NR5A2: variants seen among roughly 807,000 people sequenced by gnomAD.
NR5A2 encodes the protein CYP7A promoter-binding factor.
Under a neutral mutation model 62.7 loss-of-function variants are expected in NR5A2, and 26 were observed. The ratio of observed to expected loss-of-function variants is 0.41; its 90% CI spans 0.30 to 0.58. The LOEUF is 0.58. Among genes scored for constraint, NR5A2 ranks in the 20% least tolerant of loss-of-function variants. The probability of loss-of-function intolerance (pLI) is 0.22; values close to 1 mark genes in which losing one functional copy is unlikely to be tolerated. For synonymous variants in NR5A2, 246 were observed against 241.7 expected (o/e 1.02, Z -0.16); for missense variants, 541 against 669.1 (o/e 0.81, Z 2.11).
intron 7 of NR5A2, among the ~76,000 whole-genome samples, chr1:200,164,532 C>A (rs1444861653): frequency 6.6e-6 from 1 of 151,494 alleles, no homozygotes; most frequent in Non-Finnish European, 1.5e-5. Context: ...AACCACTTTT[C>A]CATAGATTTT....
At position 200,039,574 on chromosome 1, in the gene NR5A2, G is replaced by C; in HGVS notation, c.65-84G>C. The C allele has an allele frequency of 6.3e-7, 1 of 1,578,438 alleles. No individual in the cohort carries two copies. On this transcript the variant is annotated intron_variant, in intron 1 of 7. Coordinates refer to ENST00000367362, the MANE Select transcript of NR5A2 (RefSeq NM_205860.3). This position sits in a 1 kb window ranked among gnomAD's most constrained non-coding sequence, Gnocchi z 5.1. ...CGAGGAGGCGGAGGCACGCTCCGGC[G>C]AGGCGAGAGGGTTGGGTTAGCAGGC... is the stretch of plus-strand genomic sequence containing the variant.
intron 7 of NR5A2, among the ~76,000 whole-genome samples, chr1:200,135,106 C>T (rs1303213386): frequency 1.3e-5 from 2 of 152,220 alleles, no homozygotes; most frequent in African/African-American, 4.8e-5. Flanking sequence ...GCATGGCTAA[C>T]GTGCTCATGA....
chr1:200,091,670 A>C (rs1451223769), intron 5 of NR5A2, among the ~76,000 whole-genome samples: 1 of 151,932 alleles, frequency 6.6e-6, no homozygotes, highest in Admixed American at 6.6e-5. Context: ...TTTTTAATAG[A>C]GATCGGGTTT....
intron 2 of NR5A2, among the ~76,000 whole-genome samples, chr1:200,041,395 C>A (rs1348825691): frequency 6.6e-6 from 1 of 152,264 alleles, no homozygotes; most frequent in Non-Finnish European, 1.5e-5. Flanking sequence ...GCATGGGAAG[C>A]GCCGGGGCAA....
chr1:200,077,316 T>G (rs2737654), intron 5 of NR5A2, among the ~76,000 whole-genome samples: 75,110 of 152,106 alleles, frequency 0.49, 18,589 homozygotes, highest in African/African-American at 0.53. Flanking sequence ...AAGAGGTCCT[T>G]AATTAAGAAG....
chr1:200,042,939 G>C (rs1228645445), intron 2 of NR5A2: 1 of 985,352 alleles, frequency 1.0e-6, no homozygotes, highest in Non-Finnish European at 1.2e-6. Context: ...CCTGATTTCT[G>C]TTTAACTTTA....
intron 5 of NR5A2, among the ~76,000 whole-genome samples, chr1:200,073,009 A>G (rs1558121517): frequency 6.6e-6 from 1 of 152,068 alleles, no homozygotes; most frequent in Non-Finnish European, 1.5e-5. Context: ...GTGACACAAG[A>G]TGTGATGAAG....
At chr1:200,091,167 AT>A (rs911979527) in intron 5 of NR5A2, among the ~76,000 whole-genome samples, 10 of 152,066 alleles carry the variant, frequency 6.6e-5, no homozygotes, top group African/African-American at 2.4e-4. Context: ...TTAAATTATT[AT>A]TTGCTTTGTA....
intron 6 of NR5A2, among the ~76,000 whole-genome samples, chr1:200,116,794 A>G (rs1252629062): frequency 6.6e-6 from 1 of 152,236 alleles, no homozygotes; most frequent in Non-Finnish European, 1.5e-5. Context: ...TTCCTATCCA[A>G]TATTTTAAAA....
chr1:200,140,152 ATT>A (rs1186872116), intron 7 of NR5A2, among the ~76,000 whole-genome samples: 1 of 146,300 alleles, frequency 6.8e-6, no homozygotes, highest in East Asian at 3.4e-4. Context: ...AGATGTCAGT[ATT>A]TATTTCTTTA....
intron 5 of NR5A2, among the ~76,000 whole-genome samples, chr1:200,085,762 G>A (rs1396450010): frequency 6.6e-6 from 1 of 152,046 alleles, no homozygotes; most frequent in Non-Finnish European, 1.5e-5. Flanking sequence ...ATTTTTGTGG[G>A]GAATGTGTTC....
At chr1:200,140,356 C>A (rs1048266803) in intron 7 of NR5A2, among the ~76,000 whole-genome samples, 2 of 152,136 alleles carry the variant, frequency 1.3e-5, no homozygotes, top group African/African-American at 4.8e-5. Flanking sequence ...GGATCACAGG[C>A]GAGCACCACC....
chr1:200,073,232 A>G (rs1399466764), intron 5 of NR5A2, among the ~76,000 whole-genome samples: 1 of 83,198 alleles, frequency 1.2e-5, no homozygotes, highest in Non-Finnish European at 2.1e-5. Flanking sequence ...AAGCATTTAC[A>G]TACATATATA....
intron 1 of NR5A2, among the ~76,000 whole-genome samples, chr1:200,035,316 T>C (rs919194927): frequency 6.6e-6 from 1 of 152,204 alleles, no homozygotes; most frequent in South Asian, 2.1e-4. Context: ...TTGCAAGTTT[T>C]GTGCAAGTTT....
At chr1:200,073,268 TTATA>T (rs371537456) in intron 5 of NR5A2, among the ~76,000 whole-genome samples, 39,732 of 111,120 alleles carry the variant, frequency 0.36, 8,588 homozygotes, top group African/African-American at 0.51. Context: ...ATATTCCCCT[TTATA>T]TATATATATA....
intron 7 of NR5A2, among the ~76,000 whole-genome samples, chr1:200,127,690 AAAAAAAAAAAAAAAAAAAAAT>A (rs1666768487): frequency 1.3e-5 from 1 of 78,544 alleles, no homozygotes; most frequent in African/African-American, 4.6e-5. Flanking sequence ...AAAAAAAAAA[AAAAAAAAAAAAAAAAAAAAAT>A]ATATATATAT....
At chr1:200,122,379 A>G (rs1666517586) in intron 7 of NR5A2, among the ~76,000 whole-genome samples, 1 of 152,214 alleles carries the variant, frequency 6.6e-6, no homozygotes, top group South Asian at 2.1e-4. Flanking sequence ...TAATATATGT[A>G]TAAGAAACTG....
rs532817886 is a variant in NR5A2, at chr1:200,163,477, T to A, written c.1379-10486T>A. On this transcript the variant is annotated intron_variant, in intron 7 of 7. Transcript: ENST00000367362. The stretch of plus-strand genomic sequence containing the variant: ...ATTCTAGTGGGGGTGACGGGCAATT[T>A]TGTTTATTGTTTTTTTTTTTTTGAG... Among the ~76,000 whole-genome samples the A allele has an allele frequency of 2.7e-4, 41 of 150,878 alleles. No homozygotes were observed. The East Asian group carries it at 4.3e-3, about 16-fold the overall frequency.
intron 1 of NR5A2, among the ~76,000 whole-genome samples, chr1:200,036,609 G>T (rs750059871): frequency 2.4e-4 from 37 of 152,322 alleles, no homozygotes; most frequent in Non-Finnish European, 3.4e-4. Context: ...TCTCTGGCAA[G>T]AATCAATTCC....
Sources: allele counts gnomAD v4.1 joint callset (sites outside exome capture counted in the v4.1 genomes callset), GRCh38; gene constraint gnomAD v4.1.1; non-coding constraint Gnocchi (gnomAD v3.1); transcripts MANE v1.5; gene names NCBI Gene and HGNC (gene_info 2026-07-23, HGNC 2026-07-21).